The following FAM219B variants were observed in gnomAD, a reference collection of about 807,000 sequenced individuals.
FAM219B encodes protein FAM219B.
FAM219B carries 18 observed loss-of-function variants against 19.9 expected under a neutral mutation model. That is an observed-to-expected ratio of 0.91 (90% CI 0.63 to 1.34). FAM219B has a LOEUF of 1.34. Ranked by LOEUF, FAM219B falls within the 40% of genes most tolerant of loss-of-function variation. The pLI, the probability that FAM219B is intolerant of heterozygous loss-of-function variation, is 0.00. For synonymous variants in FAM219B, 123 were observed against 117.5 expected (o/e 1.05, Z -0.30); for missense variants, 283 against 270.5 (o/e 1.05, Z -0.32).
Position 74,906,685 on chromosome 15 carries a change from C to T in FAM219B, c.116G>A (p.Gly39Asp), listed in dbSNP as rs745733251. 6.8e-7 allele frequency: 1 copy of T among 1,473,534 alleles called. No homozygotes were observed. Among genetic ancestry groups the T allele is most frequent in the African/African-American group, 1.5e-5 (1 of 68,752 alleles). The allele number at this position is 1,473,534 out of a possible 1,614,324, so 91.3% of individuals were successfully genotyped here. ...CTCCCCCAGACGGAGGGCTCTATTA[C>T]CGATCTGCCCGGAGGGTGGCCCCGC... Reference protein sequence around the residue: ...GAAGPPSGQIGNRALRLGERT... With the variant: ...GAAGPPSGQIDNRALRLGERT... Residue 39 changes from glycine (G) to aspartate (D), a missense_variant, in exon 1 of 5, where the codon GGT becomes GAT. Physicochemically the swap from Gly to Asp is moderately conservative, Grantham distance 94 (BLOSUM62 -1). Transcript: ENST00000357635.
In FAM219B at chr15:74,904,724, G is replaced by A. The variant is rs2141245991; in HGVS notation, c.381-12C>T. The A allele has an allele frequency of 6.2e-7, 1 of 1,614,238 alleles. No homozygotes were observed. Among genetic ancestry groups the A allele is most frequent in the South Asian group, 1.1e-5 (1 of 91,090 alleles). ...CCAGCTCCCCATCACTAGGAGAAGA[G>A]GAAAACAGTCAGTTCCGGGAGGTAC... On this transcript the variant is annotated splice_polypyrimidine_tract_variant and intron_variant, in intron 3 of 4. Coordinates refer to ENST00000357635, the MANE Select transcript of FAM219B (RefSeq NM_020447.5).
rs979021976 is a variant in FAM219B at position 74,902,085 on chromosome 15, C to A, written c.*534G>T. ...CAACCTGAAGAGGGACAAAAGGACT[C>A]ACTTTATGCTGTCTTGAAGGTCAAG... is the stretch of plus-strand genomic sequence containing the variant. On this transcript the variant is annotated 3_prime_UTR_variant, in exon 5 of 5. Coordinates refer to ENST00000357635, the MANE Select transcript of FAM219B (RefSeq NM_020447.5). 1.0e-5 allele frequency: 4 copies of A among 398,526 alleles called. No individual in the cohort carries two copies. The highest frequency in any genetic ancestry group is 8.2e-5 in the African/African-American group (4 of 48,638). The allele number at this position is 398,526 out of a possible 1,614,324, so 24.7% of individuals were successfully genotyped here. A position where few individuals can be genotyped will look rare whatever the true frequency, so the allele number is the denominator to read the frequency against.
At chr15:74,903,173 G>T (rs6495128) in intron 4 of FAM219B, among the ~76,000 whole-genome samples, 44,779 of 152,016 alleles carry the variant, frequency 0.29, 7,542 homozygotes, top group East Asian at 0.73. Context: ...GCGTAGTAGA[G>T]CATGGGTTAC....
intron 1 of FAM219B, 27 bp downstream of exon 1, chr15:74,906,560 C>T (rs1331869571): frequency 2.7e-6 from 4 of 1,485,740 alleles, no homozygotes; most frequent in Non-Finnish European, 3.6e-6. Flanking sequence ...AGGGAGAAAC[C>T]TCCCCCGACC....
downstream of FAM219B, chr15:74,898,255 T>C (rs1227920072): frequency 9.4e-6 from 2 of 213,488 alleles, no homozygotes; most frequent in Non-Finnish European, 1.9e-5. Context: ...CACTCAGCCT[T>C]TGGGGTACCT....
At chr15:74,899,592 A>G (rs2064875315), downstream of FAM219B, 1 of 152,196 alleles carries the variant, frequency 6.6e-6, no homozygotes, top group Admixed American at 6.5e-5. Flanking sequence ...GTCAGCTGTT[A>G]AGCTATTTCT....
rs940504807 is a variant in FAM219B, at chr15:74,901,170, A to G, written c.*1449T>C. 2.0e-5 allele frequency: 3 copies of G among 152,270 alleles called. No homozygotes were observed. Among genetic ancestry groups the G allele is most frequent in the African/African-American group, 7.2e-5 (3 of 41,418 alleles). The allele number at this position is 152,270 out of a possible 1,614,324, so 9.4% of individuals were successfully genotyped here. Reference sequence around the variant, plus strand: ...TGTCTATGCCCATTCAAAGCTCACCATGTGGGAGGACTGCTTGGGCCTGGG... The same window carrying G: ...TGTCTATGCCCATTCAAAGCTCACCGTGTGGGAGGACTGCTTGGGCCTGGG... On this transcript the variant is annotated 3_prime_UTR_variant, in exon 5 of 5. Coordinates refer to ENST00000357635, the MANE Select transcript of FAM219B (RefSeq NM_020447.5).
rs746569993 is a variant in FAM219B at position 74,901,910 on chromosome 15, C to G, written c.*709G>C. 1 of 393,608 alleles carries G rather than the reference C, an allele frequency of 2.5e-6. No individual in the cohort carries two copies. The highest frequency in any genetic ancestry group is 4.4e-5 in the Admixed American group (1 of 22,544). The allele number at this position is 393,608 out of a possible 1,614,324, so 24.4% of individuals were successfully genotyped here. On this transcript the variant is annotated 3_prime_UTR_variant, in exon 5 of 5. Coordinates refer to ENST00000357635, the MANE Select transcript of FAM219B (RefSeq NM_020447.5). ...ATATGAACATGTCAGAGCAGTTTTT[C>G]TCTAACTAGGGAAGGGCAAACCAGA...
Position 74,906,279 on chromosome 15 carries a change from T to C in FAM219B, c.301A>G (p.Arg101Gly). 1.9e-6 allele frequency: 3 copies of C among 1,611,652 alleles called. No homozygotes were observed. The highest frequency in any genetic ancestry group is 1.7e-6 in the Non-Finnish European group (2 of 1,179,112). ...AGAGGAGGTGGCGCCTGCTGAGACC[T>C]TTTCCCTGAAGAGTCTGGGCGGTTC... ...SPNRPDSSGK[R>G]SVKFNKGYTA... is the part of the protein sequence containing the mutation. Residue 101 changes from arginine (R) to glycine (G), a missense_variant and splice_region_variant, in exon 2 of 5, where the codon AGG becomes GGG. Transcript: ENST00000357635.
chr15:74,905,127 G>T (rs2065131408), intron 3 of FAM219B, 27 bp downstream of exon 3: 1 of 1,613,524 alleles, frequency 6.2e-7, no homozygotes, highest in South Asian at 1.1e-5. Context: ...TGCTTCCCAA[G>T]GGGGTATTTC....
intron 1 of FAM219B, 83 bp from the exon 2 acceptor site, chr15:74,906,448 CG>C: frequency 3.2e-6 from 5 of 1,548,422 alleles, no homozygotes; most frequent in Non-Finnish European, 3.5e-6. Flanking sequence ...TCTTTCCGAA[CG>C]GATTTTGAGG....
chr15:74,902,937 A>G (rs1369812983), intron 4 of FAM219B, 151 bp from the exon 5 acceptor site: 2 of 782,448 alleles, frequency 2.6e-6, no homozygotes, highest in Non-Finnish European at 4.0e-6. Context: ...AGGAGGAAGT[A>G]CCACCTTCTC....
intron 3 of FAM219B, 48 bp downstream of exon 3, chr15:74,905,106 C>A (rs760302457): frequency 1.2e-5 from 19 of 1,612,738 alleles, no homozygotes; most frequent in Non-Finnish European, 1.6e-5. Context: ...GATCTTCAGT[C>A]CCAGCCAAGT....
In FAM219B at chr15:74,901,932, C is replaced by T; in HGVS notation, c.*687G>A. On this transcript the variant is annotated 3_prime_UTR_variant, in exon 5 of 5. Coordinates refer to ENST00000357635, the MANE Select transcript of FAM219B (RefSeq NM_020447.5). ...TTTCTCTAACTAGGGAAGGGCAAAC[C>T]AGAATCACTAAACTCACCCGGACGG... 1 of 396,006 alleles carries T rather than the reference C, an allele frequency of 2.5e-6. No homozygotes were observed. The highest frequency in any genetic ancestry group is 4.4e-5 in the Admixed American group (1 of 22,632). The allele number at this position is 396,006 out of a possible 1,614,324, so 24.5% of individuals were successfully genotyped here.
At position 74,901,380 on chromosome 15, in the gene FAM219B, C is replaced by T. The variant is rs931429331; in HGVS notation, c.*1239G>A. 1 of 152,098 alleles carries T rather than the reference C, an allele frequency of 6.6e-6. No homozygotes were observed. The highest frequency in any genetic ancestry group is 1.5e-5 in the Non-Finnish European group (1 of 68,038). 9.4% of individuals were successfully genotyped at this position (152,098 alleles called of 1,614,324 possible). A position where few individuals can be genotyped will look rare whatever the true frequency, so the allele number is the denominator to read the frequency against. ...TATAGAGTATAGCAAGATATACTCT[C>T]CAATTTGTGGGTAGGGGGTGTCACA... On this transcript the variant is annotated 3_prime_UTR_variant, in exon 5 of 5. Coordinates refer to ENST00000357635, the MANE Select transcript of FAM219B (RefSeq NM_020447.5).
chr15:74,902,963 C>T (rs1172505127), intron 4 of FAM219B, among the ~76,000 whole-genome samples, 177 bp from the exon 5 acceptor site: 1 of 152,170 alleles, frequency 6.6e-6, no homozygotes, highest in Non-Finnish European at 1.5e-5. Context: ...TGTGCCTCAG[C>T]CAGCAGTAAG....
Position 74,906,834 on chromosome 15 carries a change from C to A in FAM219B, c.-34G>T. On this transcript the variant is annotated 5_prime_UTR_variant, in exon 1 of 5. Transcript: ENST00000357635. ...CCCGCCCTGCCGGATGGTGCAACCC[C>A]GCCCGTGGCGAAAGAGTGACCGGCC... is the stretch of plus-strand genomic sequence containing the variant. 1 of 1,242,128 alleles carries A rather than the reference C, an allele frequency of 8.1e-7. No individual in the cohort carries two copies. Among genetic ancestry groups the A allele is most frequent in the Non-Finnish European group, 1.0e-6 (1 of 993,880 alleles). The allele number at this position is 1,242,128 out of a possible 1,614,324, so 76.9% of individuals were successfully genotyped here.
rs1018751505 is a variant in FAM219B, at chr15:74,902,489, G to A, written c.*130C>T. ...GGGCCTCTGGCCTGAGAAGCAACAG[G>A]TAAGGGCTACCTGCAGGTCACTTTC... On this transcript the variant is annotated 3_prime_UTR_variant, in exon 5 of 5. Coordinates refer to ENST00000357635, the MANE Select transcript of FAM219B (RefSeq NM_020447.5). 2.0e-5 allele frequency: 19 copies of A among 931,088 alleles called. No homozygotes were observed. The highest frequency in any genetic ancestry group is 1.9e-4 in the African/African-American group (11 of 59,128). The allele number at this position is 931,088 out of a possible 1,614,324, so 57.7% of individuals were successfully genotyped here. A position where few individuals can be genotyped will look rare whatever the true frequency, so the allele number is the denominator to read the frequency against.
At chr15:74,905,383 A>C in intron 2 of FAM219B, 152 bp from the exon 3 acceptor site, 1 of 674,414 alleles carries the variant, frequency 1.5e-6, no homozygotes, top group Non-Finnish European at 2.6e-6. Flanking sequence ...CTGCAGCTCC[A>C]TGTACCTGGC....
Sources: allele counts gnomAD v4.1 joint callset (sites outside exome capture counted in the v4.1 genomes callset), GRCh38; gene constraint gnomAD v4.1.1; transcripts MANE v1.5; gene names NCBI Gene and HGNC (gene_info 2026-07-23, HGNC 2026-07-21).